Variants in POU6F2 observed in about 807,000 individuals in gnomAD.
The protein encoded by POU6F2 is POU class 6 homeobox 2.
Under a neutral mutation model 71.3 loss-of-function variants are expected in POU6F2, and 31 were observed. That is an observed-to-expected ratio of 0.43 (90% CI 0.33 to 0.59). The LOEUF (loss-of-function observed/expected upper bound fraction) is 0.59, where lower values mean the gene tolerates loss of function less well. Among genes scored for constraint, POU6F2 ranks in the 20% least tolerant of loss-of-function variants. The pLI is 0.04. For synonymous variants in POU6F2, 347 were observed against 355.7 expected (o/e 0.98, Z 0.27); for missense variants, 783 against 856.8 (o/e 0.91, Z 1.07).
intron 2 of POU6F2, among the ~76,000 whole-genome samples, chr7:39,170,247 C>A (rs1237236153): frequency 2.0e-5 from 3 of 152,140 alleles, no homozygotes; most frequent in African/African-American, 7.2e-5. Context: ...ACTATACTTT[C>A]TTAACTTTGC....
chr7:38,989,525 T>C (rs1323839973), intron 1 of POU6F2, among the ~76,000 whole-genome samples: 1 of 152,074 alleles, frequency 6.6e-6, no homozygotes, highest in Admixed American at 6.6e-5. Context: ...CACCTTTTCA[T>C]GATCAGTTTT....
intron 4 of POU6F2, among the ~76,000 whole-genome samples, chr7:39,291,453 T>C (rs1481838298): frequency 6.6e-6 from 1 of 152,246 alleles, no homozygotes. Context: ...TTGCTCTTTA[T>C]GAGATGCAAA....
At position 39,349,474 on chromosome 7, in the gene POU6F2, C is replaced by G. The variant is rs115114550; in HGVS notation, c.972+9459C>G. 4.6e-3 allele frequency among the ~76,000 whole-genome samples: 694 copies of G among 152,278 alleles called. 6 individuals carry two copies. Among genetic ancestry groups the G allele is most frequent in the African/African-American group, 0.015 (640 of 41,548 alleles). On this transcript the variant is annotated intron_variant, in intron 5 of 9. Transcript: ENST00000518318. ...AGAACTGGGAGAGTGCATGCCTTCT[C>G]CCCTTCTCACTTGCACCCTCCTCAT...
At chr7:39,088,397 G>A (rs1791299590) in intron 2 of POU6F2, among the ~76,000 whole-genome samples, 1 of 152,006 alleles carries the variant, frequency 6.6e-6, no homozygotes, top group African/African-American at 2.4e-5. Flanking sequence ...GAATAATTCT[G>A]TCCCAGAATT....
chr7:39,060,588 G>A (rs1454708346), intron 1 of POU6F2, among the ~76,000 whole-genome samples: 11 of 152,146 alleles, frequency 7.2e-5, no homozygotes, highest in Admixed American at 4.6e-4. Context: ...TGAGAGAAAC[G>A]TTCACTACCT....
chr7:38,990,771 A>G (rs1414935394), intron 1 of POU6F2, among the ~76,000 whole-genome samples: 2 of 152,118 alleles, frequency 1.3e-5, no homozygotes, highest in Admixed American at 6.6e-5. Context: ...GGGAGGGGAC[A>G]TGGTCATTGT....
Position 39,460,670 on chromosome 7 carries a change from T to G in POU6F2, c.1613T>G (p.Leu538Arg). ...GLTQTQVGQA[L>R]SATEGPAYSQ... The stretch of plus-strand genomic sequence containing the variant: ...ACCCAGACTCAGGTGGGACAGGCTC[T>G]CAGTGCTACAGAGGGCCCCGCGTAC... Residue 538 changes from leucine to arginine, a missense_variant, in exon 9 of 10, where the codon CTC (leucine) becomes CGC (arginine). By Grantham distance (102) the Leu-to-Arg change is moderately radical. This residue lies in a region of POU6F2 where 211 missense variants were observed against 283.9 expected (regional missense o/e 0.74). Transcript: ENST00000518318. This position sits in a 1 kb window ranked among gnomAD's most constrained non-coding sequence, Gnocchi z 4.4. 1 of 1,608,714 alleles carries G rather than the reference T, an allele frequency of 6.2e-7. No individual in the cohort carries two copies.
chr7:39,008,996 G>T (rs139931886), intron 1 of POU6F2, among the ~76,000 whole-genome samples: 1 of 152,252 alleles, frequency 6.6e-6, no homozygotes, highest in Admixed American at 6.5e-5. Context: ...GGATTGACTT[G>T]GCGATGCAGG....
At chr7:39,436,527 G>A (rs757307220) in intron 7 of POU6F2, among the ~76,000 whole-genome samples, 2 of 140,880 alleles carry the variant, frequency 1.4e-5, no homozygotes, top group Non-Finnish European at 3.0e-5. Flanking sequence ...TTGGGGCCGA[G>A]ACGATGGGGT....
intron 4 of POU6F2, among the ~76,000 whole-genome samples, chr7:39,292,083 T>G (rs911560468): frequency 1.2e-4 from 18 of 151,732 alleles, no homozygotes; most frequent in Admixed American, 1.2e-3. Flanking sequence ...CCAACAGCCA[T>G]AAAATGGTTT....
intron 1 of POU6F2, among the ~76,000 whole-genome samples, chr7:39,020,202 A>T (rs1318153132): frequency 6.6e-6 from 1 of 152,128 alleles, no homozygotes; most frequent in Non-Finnish European, 1.5e-5. Flanking sequence ...AGGATCAAAG[A>T]TTTCCTCAGG....
rs569377466 is a variant in POU6F2 at position 39,256,068 on chromosome 7, T to C, written c.598+48448T>C. ...TACAAGCGTGAGAATGATTTCTGCC[T>C]TTCCCGGGTACATTCCTTGAATCCC... On this transcript the variant is annotated intron_variant, in intron 4 of 9. Coordinates refer to ENST00000518318, the MANE Select transcript of POU6F2 (RefSeq NM_001370959.1). Among the ~76,000 whole-genome samples, 188 of 152,282 alleles carry C rather than the reference T, an allele frequency of 1.2e-3. 2 individuals carry two copies. The Middle Eastern group carries it at 0.017, about 14-fold the overall frequency.
At chr7:39,383,515 G>A (rs866527759) in intron 5 of POU6F2, among the ~76,000 whole-genome samples, 1 of 152,188 alleles carries the variant, frequency 6.6e-6, no homozygotes, top group South Asian at 2.1e-4. Context: ...GATCAATCCA[G>A]TGGTGTAAAC....
intron 2 of POU6F2, among the ~76,000 whole-genome samples, chr7:39,096,582 A>G (rs1460087488): frequency 2.0e-5 from 3 of 152,086 alleles, no homozygotes; most frequent in Non-Finnish European, 4.4e-5. Flanking sequence ...AATGGCCCAC[A>G]CTCGTTCTGA....
chr7:39,124,947 C>T (rs773389494), intron 2 of POU6F2, among the ~76,000 whole-genome samples: 9 of 151,918 alleles, frequency 5.9e-5, no homozygotes, highest in Non-Finnish European at 1.2e-4. Context: ...TTTATATTGC[C>T]TATAGGAACA....
chr7:39,326,692 T>C (rs1336959610), intron 4 of POU6F2, among the ~76,000 whole-genome samples: 3 of 152,208 alleles, frequency 2.0e-5, no homozygotes, highest in Non-Finnish European at 2.9e-5. Flanking sequence ...TTAAAGAAGA[T>C]CTTGTTAAAA....
At chr7:39,291,646 G>T (rs558715229) in intron 4 of POU6F2, among the ~76,000 whole-genome samples, 1 of 152,306 alleles carries the variant, frequency 6.6e-6, no homozygotes, top group Non-Finnish European at 1.5e-5. Context: ...TCTCTGCAGT[G>T]CTTTAGAGAG....
In POU6F2 at chr7:39,336,139, CCACTTTAACTATTTAA is replaced by C. The variant is rs1370623493; in HGVS notation, c.599-3495_599-3480del. 5.9e-5 allele frequency among the ~76,000 whole-genome samples: 9 copies of C among 152,328 alleles called. No homozygotes were observed. In the East Asian group the frequency reaches 1.7e-3, roughly 29 times the overall value. ...TACAATACACATAACATACAACTTGCCACTTTAACTATTTAACACTTTATTAAATCTATTTTAACTA... is the reference window on the plus strand; with the variant it reads ...TACAATACACATAACATACAACTTGCCACTTTATTAAATCTATTTTAACTA... On this transcript the variant is annotated intron_variant, in intron 4 of 9. Transcript: ENST00000518318.
intron 2 of POU6F2, among the ~76,000 whole-genome samples, chr7:39,190,631 CTTTTTTTTTTT>C (rs58654872): frequency 6.7e-5 from 5 of 74,220 alleles, no homozygotes; most frequent in African/African-American, 1.2e-4. Flanking sequence ...GAGTCAACTT[CTTTTTTTTTTT>C]TTTTTTTTTT....
Sources: gnomAD v4.1 joint callset for allele counts (sites outside exome capture counted in the v4.1 genomes callset) on GRCh38, gnomAD v4.1.1 for gene constraint, gnomAD v4.1.1 regional missense constraint, Gnocchi (gnomAD v3.1) non-coding constraint, MANE v1.5 for transcripts, NCBI Gene and HGNC (gene_info 2026-07-23, HGNC 2026-07-21) for gene names.